MYO1D: variants seen among roughly 807,000 people sequenced by gnomAD.
The protein encoded by MYO1D is unconventional myosin-Id.
In MYO1D, 83 loss-of-function variants were observed where a neutral mutation model predicts 122.0. The observed-to-expected ratio is 0.68, with a 90% CI of 0.57 to 0.82. The LOEUF is 0.82. MYO1D is among the 40% of genes least tolerant of loss of function. The pLI is 0.00. For missense variants in MYO1D, 1,157 were observed against 1,269.5 expected (o/e 0.91, Z 1.35); for synonymous variants, 464 against 446.9 (o/e 1.04, Z -0.48).
At chr17:32,541,524 T>C (rs1013640170) in intron 21 of MYO1D, among the ~76,000 whole-genome samples, 1 of 152,228 alleles carries the variant, frequency 6.6e-6, no homozygotes, top group Admixed American at 6.5e-5. Flanking sequence ...CAACTCTGAA[T>C]ATACTAGAAA....
chr17:32,611,882 G>A (rs193051731), intron 20 of MYO1D, among the ~76,000 whole-genome samples: 281 of 152,326 alleles, frequency 1.8e-3, no homozygotes, highest in African/African-American at 6.5e-3. Context: ...CAATTCACAG[G>A]AGGAGATAAG....
chr17:32,767,818 T>C, intron 6 of MYO1D, 66 bp from the exon 7 acceptor site: 3 of 1,173,032 alleles, frequency 2.6e-6, no homozygotes, highest in Non-Finnish European at 3.8e-6. Context: ...TCAACAATTA[T>C]AAAACTAAGT....
chr17:32,797,902 A>C lies in MYO1D; in HGVS notation c.96-17118T>G, dbSNP rs188397110. Among the ~76,000 whole-genome samples, 376 of 152,352 alleles carry C rather than the reference A, an allele frequency of 2.5e-3. 3 individuals are homozygous for C. The highest frequency in any genetic ancestry group is 8.7e-3 in the African/African-American group (363 of 41,578). On this transcript the variant is annotated intron_variant, in intron 1 of 21. Coordinates refer to ENST00000318217, the MANE Select transcript of MYO1D (RefSeq NM_015194.3). ...CCTAGAATTATTTTAGATCTTTTCC[A>C]TGTATGTTGCTAATTATACATTTAC...
chr17:32,690,957 C>T (rs952368035), intron 16 of MYO1D, among the ~76,000 whole-genome samples: 1 of 152,116 alleles, frequency 6.6e-6, no homozygotes, highest in African/African-American at 2.4e-5. Flanking sequence ...TAAGTACAGT[C>T]GCTCTAGTGG....
intron 21 of MYO1D, among the ~76,000 whole-genome samples, chr17:32,558,606 G>T (rs1237390587): frequency 6.6e-6 from 1 of 152,184 alleles, no homozygotes; most frequent in Non-Finnish European, 1.5e-5. Context: ...TTCCTCCACA[G>T]TTCTCCCTGG....
rs543889010 is a variant in MYO1D, at chr17:32,532,497, G to A, written c.2865-37582C>T. Among the ~76,000 whole-genome samples the A allele has an allele frequency of 3.3e-5, 5 of 152,276 alleles. No homozygotes were observed. In the South Asian group the frequency reaches 1.0e-3, roughly 32 times the overall value. On this transcript the variant is annotated intron_variant, in intron 21 of 21. Coordinates refer to ENST00000318217, the MANE Select transcript of MYO1D (RefSeq NM_015194.3). ...AATCCCAGCACTTTGGGAGGCTGAG[G>A]TGGGTGGATCATGAGGTCAGGAGAT...
At chr17:32,528,757 T>A (rs1159812660) in intron 21 of MYO1D, among the ~76,000 whole-genome samples, 1 of 152,028 alleles carries the variant, frequency 6.6e-6, no homozygotes, top group Non-Finnish European at 1.5e-5. Flanking sequence ...GAGGCACAGA[T>A]CAGGGTGAAG....
At chr17:32,822,611 C>A (rs553797435) in intron 1 of MYO1D, among the ~76,000 whole-genome samples, 6 of 148,694 alleles carry the variant, frequency 4.0e-5, no homozygotes, top group Admixed American at 2.0e-4. Flanking sequence ...GAGCCGGGCC[C>A]GTGGCCCGCC....
chr17:32,664,664 AG>A (rs1303989275), intron 16 of MYO1D, among the ~76,000 whole-genome samples: 1 of 152,174 alleles, frequency 6.6e-6, no homozygotes, highest in Non-Finnish European at 1.5e-5. Context: ...ATACTGACAG[AG>A]GAGCAAGCAA....
intron 21 of MYO1D, among the ~76,000 whole-genome samples, chr17:32,544,439 T>A (rs934458991): frequency 1.3e-5 from 2 of 152,132 alleles, no homozygotes; most frequent in African/African-American, 2.4e-5. Flanking sequence ...AGCTTTTCTT[T>A]TAAAAATTCT....
intron 16 of MYO1D, among the ~76,000 whole-genome samples, chr17:32,678,698 GAAT>G (rs1468067876): frequency 4.8e-5 from 7 of 146,812 alleles, no homozygotes; most frequent in Non-Finnish European, 7.5e-5. Context: ...TTGCTATTGT[GAAT>G]AATGCCGCAA....
chr17:32,834,998 A>G (rs9913541), intron 1 of MYO1D, among the ~76,000 whole-genome samples: 79,037 of 151,588 alleles, frequency 0.52, 21,207 homozygotes, highest in East Asian at 0.72. Flanking sequence ...GTGACAGAGT[A>G]AGACTCTGCT....
intron 2 of MYO1D, 118 bp downstream of exon 2, chr17:32,780,458 T>C (rs1417550299): frequency 2.1e-6 from 2 of 965,710 alleles, no homozygotes; most frequent in African/African-American, 1.9e-5. Context: ...CTCTCTCCTA[T>C]AGAATTGCTC....
At chr17:32,852,815 G>A (rs960456836) in intron 1 of MYO1D, among the ~76,000 whole-genome samples, 2 of 152,010 alleles carry the variant, frequency 1.3e-5, no homozygotes, top group Non-Finnish European at 2.9e-5. Flanking sequence ...CAAACCAGAG[G>A]TCCAAAAGAC....
intron 20 of MYO1D, among the ~76,000 whole-genome samples, chr17:32,619,211 T>C (rs1353794987): frequency 6.6e-6 from 1 of 152,238 alleles, no homozygotes; most frequent in Non-Finnish European, 1.5e-5. Flanking sequence ...TGAGTCTTCC[T>C]ATACTTTCAG....
At chr17:32,714,758 A>G (rs2089421366) in intron 15 of MYO1D, among the ~76,000 whole-genome samples, 1 of 152,228 alleles carries the variant, frequency 6.6e-6, no homozygotes, top group Non-Finnish European at 1.5e-5. Context: ...GGATACAGGC[A>G]TGGGCAAAGA....
intron 1 of MYO1D, among the ~76,000 whole-genome samples, chr17:32,821,769 A>G (rs550072869): frequency 7.9e-4 from 120 of 152,254 alleles, no homozygotes; most frequent in Non-Finnish European, 1.4e-3. Context: ...AAGAGACAAA[A>G]TATGAATGCA....
Position 32,738,310 on chromosome 17 carries a change from A to C in MYO1D, c.1689T>G (p.Thr563=), listed in dbSNP as rs1236743457. ...SITEVTKRPL[T]AATLFKNSMI... ...TAGAATTCTTAAACAAGGTAGCAGC[A>C]GTCAGAGGTCGCTTGGTCACCTCTG... is the stretch of plus-strand genomic sequence containing the variant. The change falls in exon 14 of 22, where the codon ACT becomes ACG. Residue 563 remains threonine, a synonymous_variant. Transcript: ENST00000318217. 1 of 1,610,748 alleles carries C rather than the reference A, an allele frequency of 6.2e-7. No homozygotes were observed. The highest frequency in any genetic ancestry group is 8.5e-7 in the Non-Finnish European group (1 of 1,178,398).
intron 15 of MYO1D, among the ~76,000 whole-genome samples, chr17:32,713,721 G>A (rs1029492001): frequency 1.1e-4 from 16 of 151,986 alleles, no homozygotes; most frequent in Non-Finnish European, 1.2e-4. Flanking sequence ...CCCGCCTCCC[G>A]GTCCAAGTGA....
Sources: allele counts gnomAD v4.1 joint callset (sites outside exome capture counted in the v4.1 genomes callset), GRCh38; gene constraint gnomAD v4.1.1; transcripts MANE v1.5; gene names NCBI Gene and HGNC (gene_info 2026-07-23, HGNC 2026-07-21).